The following SCN8A variants were observed in gnomAD, a reference collection of about 807,000 sequenced individuals.
SCN8A encodes the protein sodium voltage-gated channel alpha subunit 8, also known as sodium channel protein type 8 subunit alpha.
SCN8A carries 30 observed loss-of-function variants against 184.1 expected under a neutral mutation model. The observed-to-expected ratio is 0.16, with a 90% CI of 0.12 to 0.22. The LOEUF (loss-of-function observed/expected upper bound fraction) is 0.22. Among genes scored for constraint, SCN8A ranks in the 10% least tolerant of loss-of-function variants. The pLI is 1.00. For synonymous variants in SCN8A, 852 were observed against 907.0 expected (o/e 0.94, Z 1.09); for missense variants, 1,057 against 2,498.9 (o/e 0.42, Z 12.30).
At chr12:51,653,605 T>C (rs890147171) in intron 1 of SCN8A, among the ~76,000 whole-genome samples, 2 of 152,236 alleles carry the variant, frequency 1.3e-5, no homozygotes, top group Non-Finnish European at 2.9e-5. Flanking sequence ...TTGGGTTGTT[T>C]CCACCTTTTG....
chr12:51,678,354 A>G (rs1335878704), intron 2 of SCN8A, among the ~76,000 whole-genome samples: 1 of 152,244 alleles, frequency 6.6e-6, no homozygotes, highest in Non-Finnish European at 1.5e-5. Context: ...ACAGACTTCA[A>G]CATAAGGAAG....
chr12:51,740,229 T>G (rs182195615), intron 12 of SCN8A, among the ~76,000 whole-genome samples: 36 of 152,370 alleles, frequency 2.4e-4, no homozygotes, highest in African/African-American at 8.2e-4. Flanking sequence ...TGGCCAGTTT[T>G]GGGGCCAGTT....
At chr12:51,740,257 G>A (rs926995793) in intron 12 of SCN8A, among the ~76,000 whole-genome samples, 4 of 152,336 alleles carry the variant, frequency 2.6e-5, no homozygotes, top group Middle Eastern at 3.4e-3. Flanking sequence ...AGATTTTGGG[G>A]GGCTTGCTCC....
At chr12:51,687,996 G>A (rs1407074315) in intron 5 of SCN8A, among the ~76,000 whole-genome samples, 1 of 152,204 alleles carries the variant, frequency 6.6e-6, no homozygotes, top group African/African-American at 2.4e-5. Context: ...TGAGCATCTG[G>A]TGGAAAGATG....
intron 12 of SCN8A, among the ~76,000 whole-genome samples, chr12:51,724,495 A>G (rs1410572217): frequency 5.3e-5 from 8 of 152,200 alleles, no homozygotes; most frequent in Non-Finnish European, 1.0e-4. Context: ...GTGGCTCCAG[A>G]TAGTTGGCCA....
At chr12:51,742,344 A>C (rs1942440231) in intron 12 of SCN8A, among the ~76,000 whole-genome samples, 1 of 152,134 alleles carries the variant, frequency 6.6e-6, no homozygotes, top group African/African-American at 2.4e-5. Flanking sequence ...TTTCAGATGG[A>C]AGAACTCCTT....
chr12:51,643,928 C>T (rs1940508455), intron 1 of SCN8A, among the ~76,000 whole-genome samples: 1 of 152,198 alleles, frequency 6.6e-6, no homozygotes, highest in Non-Finnish European at 1.5e-5. Flanking sequence ...AAGACGTTCT[C>T]ATTGAATGGA....
intron 20 of SCN8A, among the ~76,000 whole-genome samples, chr12:51,776,512 CAG>C (rs1458004143): frequency 6.6e-6 from 1 of 152,176 alleles, no homozygotes; most frequent in African/African-American, 2.4e-5. Context: ...TAAGGAGAAA[CAG>C]AGGTTATCCT....
chr12:51,713,668 A>G (rs1941919558), intron 11 of SCN8A: 1 of 546,806 alleles, frequency 1.8e-6, no homozygotes, highest in Admixed American at 3.4e-5. Context: ...ATTTCTCTAT[A>G]TTTTTAAGGC....
At chr12:51,699,475 G>T in intron 6 of SCN8A, 95 bp from the exon 7 acceptor site, 2 of 796,416 alleles carry the variant, frequency 2.5e-6, no homozygotes, top group Non-Finnish European at 4.0e-6. Flanking sequence ...GAGTGGTGCT[G>T]TGGGGAGGAG....
At chr12:51,640,514 G>T (rs2138631758) in intron 1 of SCN8A, among the ~76,000 whole-genome samples, 1 of 152,030 alleles carries the variant, frequency 6.6e-6, no homozygotes, top group Non-Finnish European at 1.5e-5. Context: ...GCAGCAATAG[G>T]TAAGATAGCA....
chr12:51,594,822 G>A (rs576134093), intron 1 of SCN8A, among the ~76,000 whole-genome samples: 32 of 151,924 alleles, frequency 2.1e-4, no homozygotes, highest in African/African-American at 6.8e-4. Flanking sequence ...GGAAAGAAGC[G>A]CTTGTAAAGT....
At chr12:51,775,668 A>G (rs551689881) in intron 20 of SCN8A, among the ~76,000 whole-genome samples, 1 of 152,322 alleles carries the variant, frequency 6.6e-6, no homozygotes, top group African/African-American at 2.4e-5. Context: ...AATGGGATTG[A>G]GATAAGACCC....
At chr12:51,624,977 T>C (rs1365878874) in intron 1 of SCN8A, among the ~76,000 whole-genome samples, 2 of 152,158 alleles carry the variant, frequency 1.3e-5, no homozygotes, top group African/African-American at 2.4e-5. Flanking sequence ...ATTTATAATA[T>C]GTTAGGTTCA....
intron 11 of SCN8A, among the ~76,000 whole-genome samples, chr12:51,718,107 A>C (rs1234435814): frequency 6.6e-6 from 1 of 152,236 alleles, no homozygotes; most frequent in Non-Finnish European, 1.5e-5. Context: ...GTATAGAACC[A>C]GAAACGGAAT....
chr12:51,746,508 T>C (rs1463800533), intron 13 of SCN8A, among the ~76,000 whole-genome samples: 1 of 152,224 alleles, frequency 6.6e-6, no homozygotes, highest in African/African-American at 2.4e-5. Flanking sequence ...TGCGTTTTGA[T>C]TGCACCTAGT....
At chr12:51,622,649 A>T (rs574152952) in intron 1 of SCN8A, among the ~76,000 whole-genome samples, 1 of 152,314 alleles carries the variant, frequency 6.6e-6, no homozygotes, top group East Asian at 1.9e-4. Context: ...CTTATTACAG[A>T]TAATGTTAAT....
At chr12:51,748,851 A>G (rs1026979055) in intron 13 of SCN8A, among the ~76,000 whole-genome samples, 1 of 152,144 alleles carries the variant, frequency 6.6e-6, no homozygotes, top group Non-Finnish European at 1.5e-5. Context: ...AGATGCTTAA[A>G]AGTTGTTGAA....
chr12:51,701,055 C>A, intron 7 of SCN8A, 89 bp from the exon 8 acceptor site: 2 of 816,918 alleles, frequency 2.4e-6, no homozygotes, highest in African/African-American at 1.7e-5. Context: ...CAATAACTTT[C>A]TGCTGGGGCT....
Sources: allele counts gnomAD v4.1 joint callset (sites outside exome capture counted in the v4.1 genomes callset), GRCh38; gene constraint gnomAD v4.1.1; transcripts MANE v1.5; gene names NCBI Gene and HGNC (gene_info 2026-07-23, HGNC 2026-07-21).